The following RBL1 variants were observed in gnomAD, a reference collection of about 807,000 sequenced individuals.
RBL1 encodes retinoblastoma-like protein 1.
A neutral mutation model predicts 123.0 loss-of-function variants in RBL1; 82 were observed. The ratio of observed to expected loss-of-function variants is 0.67; its 90% CI spans 0.56 to 0.80. RBL1 has a LOEUF of 0.80. RBL1 is among the 30% of genes least tolerant of loss of function. RBL1 has a pLI of 0.00. For missense variants in RBL1, 1,171 were observed against 1,299.6 expected (o/e 0.90, Z 1.52); for synonymous variants, 405 against 441.3 (o/e 0.92, Z 1.03).
rs1183929323 is a variant in RBL1, at chr20:37,066,890, T to C, written c.686-6A>G. On this transcript the variant is annotated splice_polypyrimidine_tract_variant and splice_region_variant and intron_variant, in intron 5 of 21. Transcript: ENST00000373664. ...ATGAAAATCAGATGGTAAACCTAGT[T>C]TGACAGTGTAGGAAGGGCAGAGGGA... The C allele has an allele frequency of 1.2e-6, 2 of 1,613,134 alleles. No individual in the cohort carries two copies. Among genetic ancestry groups the C allele is most frequent in the African/African-American group, 2.7e-5 (2 of 74,866 alleles).
At chr20:37,026,465 A>C (rs1600487272) in intron 16 of RBL1, among the ~76,000 whole-genome samples, 1 of 149,928 alleles carries the variant, frequency 6.7e-6, no homozygotes, top group Admixed American at 6.6e-5. Flanking sequence ...CAGCACTTTG[A>C]GAGGCCAAGA....
chr20:37,026,044 G>A (rs2064415351), intron 16 of RBL1, among the ~76,000 whole-genome samples: 1 of 152,032 alleles, frequency 6.6e-6, no homozygotes, highest in Admixed American at 6.6e-5. Context: ...ACCTGGCCAG[G>A]ACCTGGGTTC....
chr20:37,027,549 C>A (rs542696292), intron 16 of RBL1, among the ~76,000 whole-genome samples: 1 of 152,084 alleles, frequency 6.6e-6, no homozygotes, highest in Non-Finnish European at 1.5e-5. Context: ...GCACTGCAGT[C>A]ATGTTTGGTT....
At chr20:37,025,618 A>G (rs1386665353) in intron 16 of RBL1, among the ~76,000 whole-genome samples, 1 of 152,158 alleles carries the variant, frequency 6.6e-6, no homozygotes, top group Non-Finnish European at 1.5e-5. Flanking sequence ...TCTGAAGGTG[A>G]GGAGGCATGC....
chr20:37,007,453 C>A lies in RBL1; in HGVS notation c.2829G>T (p.Lys943Asn). Residue 943 changes from lysine to asparagine, a missense_variant, in exon 20 of 22, where the codon AAG (lysine) becomes AAT (asparagine). Transcript: ENST00000373664. ...CCAAGTCGTATTTCAGTGCAAATGA[C>A]TTCACTCTTCCTACATATATTGTAT... Reference protein sequence around the residue: ...FYNTIYVGRVKSFALKYDLAN... With the variant: ...FYNTIYVGRVNSFALKYDLAN... 6.3e-7 allele frequency: 1 copy of A among 1,583,478 alleles called. No homozygotes were observed. The highest frequency in any genetic ancestry group is 8.7e-7 in the Non-Finnish European group (1 of 1,154,992).
At chr20:37,056,530 G>A (rs1286740844) in intron 9 of RBL1, among the ~76,000 whole-genome samples, 2 of 151,678 alleles carry the variant, frequency 1.3e-5, no homozygotes, top group African/African-American at 2.4e-5. Flanking sequence ...AATTTTTGTA[G>A]TTTTAGTAGA....
At chr20:37,035,027 G>A (rs1408670162) in intron 15 of RBL1, among the ~76,000 whole-genome samples, 1 of 152,026 alleles carries the variant, frequency 6.6e-6, no homozygotes, top group East Asian at 1.9e-4. Flanking sequence ...TATGCCTCTG[G>A]TTGGGGAAGG....
rs532940894 is a variant in RBL1, at chr20:37,002,614, C to T, written c.3036+1088G>A. On this transcript the variant is annotated intron_variant, in intron 21 of 21. Coordinates refer to ENST00000373664, the MANE Select transcript of RBL1 (RefSeq NM_002895.5). Reference sequence around the variant, plus strand: ...TCGGCCTCCCAAAGTGCTGGGATTACAGGCATGAGCCACCGTGCCCGGCCC... The same window carrying T: ...TCGGCCTCCCAAAGTGCTGGGATTATAGGCATGAGCCACCGTGCCCGGCCC... Among the ~76,000 whole-genome samples, 5 of 151,856 alleles carry T rather than the reference C, an allele frequency of 3.3e-5. No homozygotes were observed. In the East Asian group the frequency reaches 7.8e-4, roughly 24 times the overall value.
At chr20:37,085,743 T>A (rs1175085380) in intron 2 of RBL1, among the ~76,000 whole-genome samples, 6 of 133,470 alleles carry the variant, frequency 4.5e-5, no homozygotes, top group Non-Finnish European at 9.2e-5. Flanking sequence ...AAGCGCCGCC[T>A]CCTGGGTTCA....
intron 19 of RBL1, among the ~76,000 whole-genome samples, chr20:37,010,062 A>T (rs2064127530): frequency 6.6e-6 from 1 of 151,818 alleles, no homozygotes; most frequent in Non-Finnish European, 1.5e-5. Flanking sequence ...AAAGACATTT[A>T]AAAAAACATA....
intron 21 of RBL1, among the ~76,000 whole-genome samples, chr20:37,000,828 G>T (rs1249543101): frequency 3.6e-5 from 5 of 137,428 alleles, no homozygotes; most frequent in African/African-American, 1.4e-4. Context: ...GGGCGCCTCT[G>T]CCTGGCCGCC....
chr20:37,020,721 C>T lies in RBL1; in HGVS notation c.2569G>A (p.Glu857Lys). The part of the protein sequence containing the change: ...AFYIMAKVTK[E>K]ERTFQEIMKS... ...ATAATTTCTTGAAAAGTTCTTTCTT[C>T]TTTTGTTACCTAAGGAAAATAAAAA... The change falls in exon 18 of 22, where the codon GAA becomes AAA. Residue 857 changes from glutamate (E) to lysine (K), a missense_variant. Coordinates refer to ENST00000373664, the MANE Select transcript of RBL1 (RefSeq NM_002895.5). The T allele has an allele frequency of 3.2e-6, 5 of 1,575,764 alleles. No individual in the cohort carries two copies. The highest frequency in any genetic ancestry group is 4.3e-6 in the Non-Finnish European group (5 of 1,155,602).
At chr20:37,037,366 A>G (rs937411732) in intron 14 of RBL1, among the ~76,000 whole-genome samples, 17 of 152,236 alleles carry the variant, frequency 1.1e-4, no homozygotes, top group Non-Finnish European at 5.9e-5. Flanking sequence ...TAGAAACATG[A>G]CAATCTGTCA....
At chr20:37,011,065 C>G (rs1313581749) in intron 19 of RBL1, among the ~76,000 whole-genome samples, 1 of 152,138 alleles carries the variant, frequency 6.6e-6, no homozygotes, top group African/African-American at 2.4e-5. Flanking sequence ...AGGGATCCTC[C>G]TGCCTCAGCC....
chr20:37,056,062 C>T lies in RBL1; in HGVS notation c.1363+84G>A, dbSNP rs1452954012. On this transcript the variant is annotated intron_variant, in intron 10 of 21. Transcript: ENST00000373664. ...AAAAAAAAAAAAGAAATAAGAATAACGGGAGAGGAAAAACCGTGAATTTCT... is the reference window on the plus strand; with the variant it reads ...AAAAAAAAAAAAGAAATAAGAATAATGGGAGAGGAAAAACCGTGAATTTCT... 83 of 1,490,114 alleles carry T rather than the reference C, an allele frequency of 5.6e-5. 1 individual carries two copies. The East Asian group carries it at 1.8e-3, about 33-fold the overall frequency. The allele number at this position is 1,490,114 out of a possible 1,614,324, so 92.3% of individuals were successfully genotyped here.
intron 21 of RBL1, among the ~76,000 whole-genome samples, chr20:37,001,723 C>A (rs1253785795): frequency 2.8e-5 from 4 of 145,046 alleles, no homozygotes; most frequent in African/African-American, 5.0e-5. Flanking sequence ...GCCAAATCCC[C>A]CTCTGCGAGA....
chr20:37,001,989 A>G (rs979948235), intron 21 of RBL1, among the ~76,000 whole-genome samples: 3 of 151,472 alleles, frequency 2.0e-5, no homozygotes, highest in Non-Finnish European at 4.4e-5. Flanking sequence ...ACTGTATAAC[A>G]GTAGCTCTCG....
At chr20:37,001,623 C>G (rs982002124) in intron 21 of RBL1, among the ~76,000 whole-genome samples, 2 of 150,686 alleles carry the variant, frequency 1.3e-5, no homozygotes, top group South Asian at 2.1e-4. Context: ...ACAAACACTG[C>G]GGAAGGCTGC....
At chr20:37,095,657 C>T in intron 1 of RBL1, 116 bp downstream of exon 1, 2 of 946,428 alleles carry the variant, frequency 2.1e-6, no homozygotes, top group Non-Finnish European at 2.9e-6. Context: ...CGCTTGGCTG[C>T]GCAGCGACCC....
Sources: allele counts gnomAD v4.1 joint callset (sites outside exome capture counted in the v4.1 genomes callset), GRCh38; gene constraint gnomAD v4.1.1; transcripts MANE v1.5; gene names NCBI Gene and HGNC (gene_info 2026-07-23, HGNC 2026-07-21).